Variants in ATP11C observed in about 807,000 individuals in gnomAD.
ATP11C encodes the protein ATPase phospholipid transporting 11C (ATP11C blood group).
In ATP11C, 36 loss-of-function variants were observed where a neutral mutation model predicts 97.4. That is an observed-to-expected ratio of 0.37 (90% CI 0.28 to 0.49). The LOEUF (loss-of-function observed/expected upper bound fraction) is 0.49, where lower values mean the gene tolerates loss of function less well. ATP11C is among the 20% of genes least tolerant of loss of function. ATP11C has a pLI of 0.98. For missense variants in ATP11C, 730 were observed against 824.6 expected, an observed-to-expected ratio of 0.89 and a Z score of 1.40; for synonymous variants, 275 against 290.9, an observed-to-expected ratio of 0.95 and a Z score of 0.56.
chrX:139,768,504 T>TA (rs1159127893), intron 19 of ATP11C, 70 bp from the exon 20 acceptor site: 1 of 832,870 alleles, frequency 1.2e-6, no homozygotes, highest in Non-Finnish European at 1.6e-6. Context: ...ATTTTTTTTT[T>TA]AAACAACAAA....
chrX:139,789,513 T>C (rs772598572), intron 12 of ATP11C, 25 bp from the exon 13 acceptor site: 14 of 1,131,757 alleles, frequency 1.2e-5, no homozygotes, highest in South Asian at 2.3e-5. Context: ...CAAACATATA[T>C]TGTTAGTTTC....
At chrX:139,837,961 A>G (rs1407319585) in intron 1 of ATP11C, among the ~76,000 whole-genome samples, 2 of 112,196 alleles carry the variant, frequency 1.8e-5, no homozygotes, top group African/African-American at 6.5e-5. Flanking sequence ...AATGTGTCAA[A>G]CCAATAGAAA....
chrX:139,862,516 G>A (rs2084217319), intron 1 of ATP11C, among the ~76,000 whole-genome samples: 1 of 111,780 alleles, frequency 8.9e-6, no homozygotes, highest in Admixed American at 9.5e-5. Context: ...ACTGCTTAGT[G>A]TATTGGAAAA....
chrX:139,903,758 C>T (rs1347745262), intron 1 of ATP11C, among the ~76,000 whole-genome samples: 1 of 110,949 alleles, frequency 9.0e-6, no homozygotes, highest in Admixed American at 9.7e-5. Context: ...CTTGGACTTA[C>T]CAGGCTCTAG....
intron 3 of ATP11C, 80 bp downstream of exon 3, chrX:139,819,258 T>G: frequency 2.6e-6 from 1 of 382,085 alleles, no homozygotes; most frequent in South Asian, 1.1e-4. Flanking sequence ...ACATGGCATT[T>G]TAAGGTTAGA....
chrX:139,821,231 G>A (rs1344849548), intron 2 of ATP11C, among the ~76,000 whole-genome samples: 1 of 111,612 alleles, frequency 9.0e-6, no homozygotes, highest in African/African-American at 3.3e-5. Context: ...AGTTCCTTAG[G>A]GAAGATAATT....
At position 139,727,989 on chromosome X, in the gene ATP11C, T is replaced by G. The variant is rs543034070; in HGVS notation, c.*977A>C. 8.9e-6 allele frequency: 1 copy of G among 112,549 alleles called. No homozygotes were observed. Among genetic ancestry groups the G allele is most frequent in the Non-Finnish European group, 1.9e-5 (1 of 53,150 alleles). The allele number at this position is 112,549 out of a possible 1,213,427, so 9.3% of individuals were successfully genotyped here. ...TAAGAAAAAGCACTGCATATATGCATAAATGCAATCTCTTTCAAATAAAAA... is the reference window on the plus strand; with the variant it reads ...TAAGAAAAAGCACTGCATATATGCAGAAATGCAATCTCTTTCAAATAAAAA... On this transcript the variant is annotated 3_prime_UTR_variant, in exon 30 of 30. Transcript: ENST00000682941.
At chrX:139,856,261 T>C (rs1043514477) in intron 1 of ATP11C, among the ~76,000 whole-genome samples, 1 of 112,616 alleles carries the variant, frequency 8.9e-6, no homozygotes, top group African/African-American at 3.2e-5. Flanking sequence ...CTCTCTCTGC[T>C]ATATCTTGAA....
chrX:139,821,157 C>A (rs2083401868), intron 2 of ATP11C, among the ~76,000 whole-genome samples: 3 of 112,062 alleles, frequency 2.7e-5, no homozygotes, highest in African/African-American at 9.7e-5. Flanking sequence ...CAAGTACATT[C>A]AGTAGAACAG....
At position 139,908,686 on chromosome X, in the gene ATP11C, A is replaced by G. The variant is rs767072068; in HGVS notation, c.27+23330T>C. The stretch of plus-strand genomic sequence containing the variant: ...GTCCTTGACTACCTTCCTGACAATA[A>G]CATAAGTTTCTATTTATGGGGCTAT... On this transcript the variant is annotated intron_variant, in intron 1 of 29. Coordinates refer to ENST00000682941, the MANE Select transcript of ATP11C (RefSeq NM_001353812.2). Among the ~76,000 whole-genome samples, 4 of 112,366 alleles carry G rather than the reference A, an allele frequency of 3.6e-5. No homozygotes were observed. In the South Asian group the frequency reaches 1.5e-3, roughly 41 times the overall value.
chrX:139,874,075 C>T (rs1569483917), intron 1 of ATP11C, among the ~76,000 whole-genome samples: 2 of 106,452 alleles, frequency 1.9e-5, no homozygotes, highest in African/African-American at 6.9e-5. Flanking sequence ...CAGAGTCTCG[C>T]TCTGTCACCC....
In ATP11C at chrX:139,827,480, A is replaced by G. The variant is rs867221805; in HGVS notation, c.28-657T>C. 3.6e-5 allele frequency among the ~76,000 whole-genome samples: 4 copies of G among 111,406 alleles called. No homozygotes were observed. In the South Asian group the frequency reaches 1.1e-3, roughly 32 times the overall value. On this transcript the variant is annotated intron_variant, in intron 1 of 29. Transcript: ENST00000682941. ...CCCCTTTTACATTTTTAATAAGTAGACTCACCGAACCTAAAAGTTTCAAGA... is the reference window on the plus strand; with the variant it reads ...CCCCTTTTACATTTTTAATAAGTAGGCTCACCGAACCTAAAAGTTTCAAGA...
intron 1 of ATP11C, among the ~76,000 whole-genome samples, chrX:139,925,028 T>C (rs2085329248): frequency 8.9e-6 from 1 of 111,973 alleles, no homozygotes; most frequent in Non-Finnish European, 1.9e-5. Flanking sequence ...CCAAACGTTT[T>C]TTTCAACAGT....
chrX:139,863,446 T>C (rs1268889815), intron 1 of ATP11C, among the ~76,000 whole-genome samples: 1 of 110,926 alleles, frequency 9.0e-6, no homozygotes, highest in East Asian at 2.8e-4. Flanking sequence ...GGAAGGAGAA[T>C]CACTTGAACC....
chrX:139,758,744 A>T (rs1441697573), intron 22 of ATP11C, among the ~76,000 whole-genome samples: 1 of 111,933 alleles, frequency 8.9e-6, no homozygotes, highest in Non-Finnish European at 1.9e-5. Flanking sequence ...CTTGGTCATG[A>T]TGTCTCTGAA....
chrX:139,887,329 C>T (rs2084658896), intron 1 of ATP11C, among the ~76,000 whole-genome samples: 1 of 111,766 alleles, frequency 8.9e-6, no homozygotes. Flanking sequence ...AAACCATTAA[C>T]CATAAAAGAA....
chrX:139,861,171 T>C (rs1037671153), intron 1 of ATP11C, among the ~76,000 whole-genome samples: 2 of 111,914 alleles, frequency 1.8e-5, no homozygotes, highest in African/African-American at 6.5e-5. Context: ...AAATTTTTGT[T>C]CTAGAAAACA....
At chrX:139,859,486 A>C (rs2147982430) in intron 1 of ATP11C, among the ~76,000 whole-genome samples, 1 of 112,002 alleles carries the variant, frequency 8.9e-6, no homozygotes, top group African/African-American at 3.2e-5. Context: ...AAGTTGTTAT[A>C]AAAAAATTAA....
chrX:139,770,986 A>G (rs1002422087), intron 19 of ATP11C, among the ~76,000 whole-genome samples: 1 of 111,768 alleles, frequency 8.9e-6, no homozygotes, highest in African/African-American at 3.3e-5. Context: ...CCCAAGATTC[A>G]TCTGTTGAAG....
Sources: gnomAD v4.1 joint callset for allele counts (sites outside exome capture counted in the v4.1 genomes callset) on GRCh38, gnomAD v4.1.1 for gene constraint, MANE v1.5 for transcripts, NCBI Gene and HGNC (gene_info 2026-07-23, HGNC 2026-07-21) for gene names.